Variants in UTRN observed in about 807,000 individuals in gnomAD.
The protein encoded by UTRN is utrophin.
In UTRN, 283 loss-of-function variants were observed where a neutral mutation model predicts 463.9. The observed-to-expected ratio is 0.61, with a 90% CI of 0.55 to 0.67. The LOEUF (loss-of-function observed/expected upper bound fraction) is 0.67. Ranked by LOEUF, UTRN falls within the 30% of genes least tolerant of loss-of-function variation. UTRN has a pLI of 0.00. For synonymous variants in UTRN, 1,442 were observed against 1,431.5 expected, an observed-to-expected ratio of 1.01 and a Z score of -0.17; for missense variants, 3,922 against 4,084.3, an observed-to-expected ratio of 0.96 and a Z score of 1.08.
chr6:144,433,089 C>G (rs1486328135), intron 9 of UTRN, among the ~76,000 whole-genome samples: 1 of 152,258 alleles, frequency 6.6e-6, no homozygotes, highest in Non-Finnish European at 1.5e-5. Context: ...CTCCTTCTTT[C>G]TACACAGACA....
Position 144,421,981 on chromosome 6 carries a change from C to T in UTRN, c.234+11C>T, listed in dbSNP as rs1409347458. The T allele has an allele frequency of 1.1e-5, 17 of 1,603,734 alleles. No individual in the cohort carries two copies. Among genetic ancestry groups the T allele is most frequent in the Admixed American group, 1.7e-5 (1 of 58,898 alleles). ...ACAGGAACATCACTGGTGAGCAAGT[C>T]ATCTTTGTAAACAACGGAGTCTCCG... On this transcript the variant is annotated intron_variant, in intron 4 of 74. Coordinates refer to ENST00000367545, the MANE Select transcript of UTRN (RefSeq NM_007124.3).
At chr6:144,659,937 G>C in intron 51 of UTRN, 1 of 265,196 alleles carries the variant, frequency 3.8e-6, no homozygotes, top group Non-Finnish European at 7.6e-6. Context: ...CAGAGAAAGA[G>C]GAGACCATGC....
At chr6:144,453,961 T>G in intron 19 of UTRN, 92 bp downstream of exon 19, 1 of 1,030,676 alleles carries the variant, frequency 9.7e-7, no homozygotes, top group Non-Finnish European at 1.4e-6. Flanking sequence ...GCTTTAATAC[T>G]CGAATCCTCT....
intron 51 of UTRN, among the ~76,000 whole-genome samples, chr6:144,639,698 T>A (rs1242439011): frequency 2.0e-5 from 3 of 152,064 alleles, no homozygotes; most frequent in Non-Finnish European, 4.4e-5. Context: ...TTTTTTCTTA[T>A]CTTATTGCTT....
intron 51 of UTRN, among the ~76,000 whole-genome samples, chr6:144,653,511 G>A (rs984110184): frequency 3.3e-5 from 5 of 151,846 alleles, no homozygotes; most frequent in Admixed American, 1.3e-4. Context: ...GTGTGAACCC[G>A]GGAGGCAGAG....
In UTRN at chr6:144,462,672, G is replaced by C. The variant is rs1331233214; in HGVS notation, c.2872G>C (p.Glu958Gln). The stretch of plus-strand genomic sequence containing the variant: ...TTTCCAGACCCTTGATGAAATCCTT[G>C]AGAATCAGAAACCTGCATTACATAA... ...QEKKTLDEIL[E>Q]NQKPALHKLA... The change falls in exon 23 of 75, where the codon GAG becomes CAG. Residue 958 changes from glutamate (E) to glutamine (Q), a missense_variant. Glu to Gln is a conservative substitution (Grantham distance 29, BLOSUM62 2). This residue lies in a region of UTRN where 2,349 missense variants were observed against 2,303.8 expected (regional missense o/e 1.02). Coordinates refer to ENST00000367545, the MANE Select transcript of UTRN (RefSeq NM_007124.3). 6.2e-7 allele frequency: 1 copy of C among 1,600,330 alleles called. No homozygotes were observed. The highest frequency in any genetic ancestry group is 8.5e-7 in the Non-Finnish European group (1 of 1,176,922).
At chr6:144,337,194 C>CA (rs1309149044) in intron 2 of UTRN, among the ~76,000 whole-genome samples, 121 of 126,780 alleles carry the variant, frequency 9.5e-4, no homozygotes, top group Non-Finnish European at 1.7e-3. Flanking sequence ...CACACACACA[C>CA]CACACACACA....
intron 51 of UTRN, among the ~76,000 whole-genome samples, chr6:144,641,751 G>A (rs1407524362): frequency 2.6e-5 from 4 of 152,038 alleles, no homozygotes; most frequent in South Asian, 2.1e-4. Context: ...TTTCTCTTAC[G>A]TTTTTAGAAA....
At chr6:144,474,971 T>C (rs1289988994) in intron 25 of UTRN, among the ~76,000 whole-genome samples, 2 of 152,242 alleles carry the variant, frequency 1.3e-5, no homozygotes, top group South Asian at 2.1e-4. Flanking sequence ...GGCTTATCCA[T>C]TCTTGTCTTA....
intron 58 of UTRN, among the ~76,000 whole-genome samples, chr6:144,763,845 G>C (rs1010894053): frequency 6.6e-6 from 1 of 152,100 alleles, no homozygotes; most frequent in Admixed American, 6.6e-5. Context: ...AATAAACATA[G>C]CTCTCTCCAA....
At chr6:144,417,334 A>G (rs1347726218) in intron 3 of UTRN, among the ~76,000 whole-genome samples, 2 of 152,218 alleles carry the variant, frequency 1.3e-5, no homozygotes, top group East Asian at 1.9e-4. Context: ...TGTTGAAAAC[A>G]TAGATTTAGA....
At chr6:144,495,629 C>A (rs750122854) in intron 33 of UTRN, among the ~76,000 whole-genome samples, 46 of 152,338 alleles carry the variant, frequency 3.0e-4, no homozygotes, top group Admixed American at 5.9e-4. Flanking sequence ...CAAGTGCTGC[C>A]AAAGTGGGAG....
At chr6:144,641,899 C>A (rs1412809138) in intron 51 of UTRN, among the ~76,000 whole-genome samples, 1 of 152,172 alleles carries the variant, frequency 6.6e-6, no homozygotes, top group Non-Finnish European at 1.5e-5. Context: ...AATCTTGACA[C>A]AGGCAATGCA....
At chr6:144,739,985 A>G (rs967617316) in intron 54 of UTRN, among the ~76,000 whole-genome samples, 1 of 152,198 alleles carries the variant, frequency 6.6e-6, no homozygotes, top group African/African-American at 2.4e-5. Flanking sequence ...ACAGGTGCTG[A>G]CCATGTGCCA....
intron 10 of UTRN, among the ~76,000 whole-genome samples, chr6:144,437,247 C>T (rs187629752): frequency 1.5e-3 from 235 of 152,256 alleles, no homozygotes; most frequent in Non-Finnish European, 2.6e-3. Flanking sequence ...AGCCACCACA[C>T]CCAGCCTTTT....
intron 2 of UTRN, among the ~76,000 whole-genome samples, chr6:144,376,324 G>A (rs1001566658): frequency 4.6e-5 from 7 of 151,996 alleles, no homozygotes; most frequent in African/African-American, 9.7e-5. Context: ...GTGTGGTGGC[G>A]TGTGCCTGTA....
chr6:144,460,424 G>A (rs1473662561), intron 21 of UTRN, among the ~76,000 whole-genome samples: 1 of 152,206 alleles, frequency 6.6e-6, no homozygotes, highest in Admixed American at 6.5e-5. Flanking sequence ...GGAAGTGTCT[G>A]TATGTGTGCA....
intron 49 of UTRN, among the ~76,000 whole-genome samples, chr6:144,555,189 C>G (rs570231869): frequency 9.7e-4 from 147 of 152,210 alleles, no homozygotes; most frequent in African/African-American, 3.3e-3. Context: ...TTCCAGGAAC[C>G]CTCTTTTGCT....
chr6:144,786,225 A>G (rs766199507), intron 61 of UTRN, among the ~76,000 whole-genome samples: 3 of 152,148 alleles, frequency 2.0e-5, no homozygotes, highest in Non-Finnish European at 4.4e-5. Flanking sequence ...TAACCTGTAC[A>G]GTTCAGTCAA....
Sources: allele counts gnomAD v4.1 joint callset (sites outside exome capture counted in the v4.1 genomes callset), GRCh38; gene constraint gnomAD v4.1.1; regional missense constraint gnomAD v4.1.1; transcripts MANE v1.5; gene names NCBI Gene and HGNC (gene_info 2026-07-23, HGNC 2026-07-21).